The following TPST1 variants were observed in gnomAD, a reference collection of about 807,000 sequenced individuals.
TPST1 encodes tyrosylprotein sulfotransferase 1, also known as protein-tyrosine sulfotransferase 1.
In TPST1, 20 loss-of-function variants were observed where a neutral mutation model predicts 34.8. The ratio of observed to expected loss-of-function variants is 0.57; its 90% CI spans 0.40 to 0.84. The LOEUF is 0.84. Ranked by LOEUF, TPST1 falls within the 40% of genes least tolerant of loss-of-function variation. TPST1 has a pLI of 0.00. For missense variants in TPST1, 353 were observed against 455.5 expected (o/e 0.78, Z 2.05); for synonymous variants, 152 against 159.4 (o/e 0.95, Z 0.35).
At chr7:66,253,779 TATA>T (rs924481613) in intron 2 of TPST1, among the ~76,000 whole-genome samples, 1 of 151,176 alleles carries the variant, frequency 6.6e-6, no homozygotes, top group Admixed American at 6.6e-5. Flanking sequence ...GGCTTATGCC[TATA>T]ATCCCAGCAC....
intron 2 of TPST1, among the ~76,000 whole-genome samples, chr7:66,282,433 C>A (rs977600479): frequency 6.6e-6 from 1 of 152,184 alleles, no homozygotes; most frequent in Admixed American, 6.5e-5. Context: ...TCTAGTAAAA[C>A]TTTATTTACA....
chr7:66,310,510 G>GTGTT (rs1791508632), intron 3 of TPST1, among the ~76,000 whole-genome samples: 1 of 152,088 alleles, frequency 6.6e-6, no homozygotes, highest in Admixed American at 6.6e-5. Flanking sequence ...AAATGGGGTC[G>GTGTT]TGTTCCTCAG....
intron 2 of TPST1, among the ~76,000 whole-genome samples, chr7:66,260,345 ATG>A (rs1790464341): frequency 6.6e-6 from 1 of 152,212 alleles, no homozygotes; most frequent in Non-Finnish European, 1.5e-5. Context: ...TGTGTTAAGT[ATG>A]TGTGGAATTT....
intron 3 of TPST1, among the ~76,000 whole-genome samples, chr7:66,297,646 G>C (rs1325594608): frequency 6.6e-6 from 1 of 152,176 alleles, no homozygotes; most frequent in East Asian, 1.9e-4. Context: ...CATGTACCAA[G>C]GTGCAGAACC....
intron 2 of TPST1, among the ~76,000 whole-genome samples, chr7:66,256,860 A>C (rs1790392465): frequency 6.6e-6 from 1 of 152,212 alleles, no homozygotes; most frequent in African/African-American, 2.4e-5. Flanking sequence ...CCAGGTCTCC[A>C]AAAGTCTCAT....
chr7:66,319,028 T>A (rs1419463521), intron 3 of TPST1, among the ~76,000 whole-genome samples: 1 of 152,222 alleles, frequency 6.6e-6, no homozygotes, highest in East Asian at 1.9e-4. Context: ...AACTGTATTT[T>A]CCAATTTTAC....
chr7:66,286,228 T>C lies in TPST1; in HGVS notation c.846-283T>C, dbSNP rs543565136. 1.7e-3 allele frequency among the ~76,000 whole-genome samples: 266 copies of C among 152,312 alleles called. 1 individual carries two copies. The highest frequency in any genetic ancestry group is 6.2e-3 in the African/African-American group (256 of 41,564). ...GTATCTTTATTTTGTTACTGTTTTTTTCCTGGATGTTGTAATTACAGTGTC... is the reference window on the plus strand; with the variant it reads ...GTATCTTTATTTTGTTACTGTTTTTCTCCTGGATGTTGTAATTACAGTGTC... On this transcript the variant is annotated intron_variant, in intron 2 of 5. Transcript: ENST00000304842.
intron 4 of TPST1, among the ~76,000 whole-genome samples, chr7:66,353,198 C>A (rs1480372844): frequency 2.0e-5 from 3 of 152,108 alleles, no homozygotes; most frequent in Non-Finnish European, 4.4e-5. Flanking sequence ...GCCTGTAATC[C>A]CAGCTACTTG....
chr7:66,286,626 C>T lies in TPST1; in HGVS notation c.961C>T (p.Leu321Phe). 1 of 1,609,548 alleles carries T rather than the reference C, an allele frequency of 6.2e-7. No homozygotes were observed. The highest frequency in any genetic ancestry group is 1.1e-5 in the South Asian group (1 of 90,658). The stretch of plus-strand genomic sequence containing the variant: ...AGACATGGCAGTGATTGCTCCTATG[C>T]TTGCCAAGCTTGGATATGACCCATA... ...LQDMAVIAPM[L>F]AKLGYDPYAN... The change falls in exon 3 of 6, where the codon CTT becomes TTT. Residue 321 changes from leucine to phenylalanine, a missense_variant. Transcript: ENST00000304842.
At chr7:66,269,298 A>G (rs995430862) in intron 2 of TPST1, among the ~76,000 whole-genome samples, 2 of 152,248 alleles carry the variant, frequency 1.3e-5, no homozygotes, top group African/African-American at 4.8e-5. Context: ...ATTACATAAA[A>G]GAAAACTTTA....
At chr7:66,274,319 A>G (rs1358656316) in intron 2 of TPST1, among the ~76,000 whole-genome samples, 1 of 150,834 alleles carries the variant, frequency 6.6e-6, no homozygotes, top group African/African-American at 2.4e-5. Flanking sequence ...GAGCGTTGAG[A>G]TCGCGTCACT....
At chr7:66,304,168 A>G (rs2116064098) in intron 3 of TPST1, among the ~76,000 whole-genome samples, 1 of 152,326 alleles carries the variant, frequency 6.6e-6, no homozygotes, top group South Asian at 2.1e-4. Flanking sequence ...CACGTTGTTT[A>G]CAATAGGAGT....
chr7:66,225,628 G>T (rs981688067), intron 1 of TPST1, among the ~76,000 whole-genome samples: 1 of 152,102 alleles, frequency 6.6e-6, no homozygotes, highest in African/African-American at 2.4e-5. Context: ...TAAATAAAAA[G>T]AAATAAAGTA....
chr7:66,210,985 G>A (rs112406448), intron 1 of TPST1, among the ~76,000 whole-genome samples: 18 of 151,722 alleles, frequency 1.2e-4, no homozygotes, highest in African/African-American at 2.7e-4. Context: ...CCACACACAC[G>A]CGCGCGCACA....
chr7:66,326,512 C>T lies in TPST1; in HGVS notation c.1045-25993C>T, dbSNP rs559253903. Among the ~76,000 whole-genome samples, 19 of 152,250 alleles carry T rather than the reference C, an allele frequency of 1.2e-4. 1 individual carries two copies. The South Asian group carries it at 2.5e-3, about 20-fold the overall frequency. On this transcript the variant is annotated intron_variant, in intron 3 of 5. Transcript: ENST00000304842. The stretch of plus-strand genomic sequence containing the variant: ...TGAAAACTTGATTTGGGACTATTTC[C>T]TTTGAACAGAAATAATAGCATTCCT...
At chr7:66,243,151 G>C (rs921371516) in intron 2 of TPST1, among the ~76,000 whole-genome samples, 4 of 142,816 alleles carry the variant, frequency 2.8e-5, no homozygotes, top group Middle Eastern at 3.4e-3. Flanking sequence ...CAAGGGGTGT[G>C]TGTGTGTGTG....
At chr7:66,269,908 G>A (rs1243945968) in intron 2 of TPST1, among the ~76,000 whole-genome samples, 3 of 152,026 alleles carry the variant, frequency 2.0e-5, no homozygotes, top group Non-Finnish European at 2.9e-5. Context: ...TGTATCCTAC[G>A]GTCTCATGGT....
chr7:66,209,041 G>A (rs1433535748), intron 1 of TPST1, among the ~76,000 whole-genome samples: 1 of 151,994 alleles, frequency 6.6e-6, no homozygotes, highest in African/African-American at 2.4e-5. Flanking sequence ...CCAGCATTTT[G>A]GGAGACTGAG....
chr7:66,224,499 G>T (rs538147205), intron 1 of TPST1, among the ~76,000 whole-genome samples: 1 of 152,222 alleles, frequency 6.6e-6, no homozygotes, highest in East Asian at 1.9e-4. Flanking sequence ...CTTTTGCTAG[G>T]ACATGTCCCC....
Sources: allele counts gnomAD v4.1 joint callset (sites outside exome capture counted in the v4.1 genomes callset), GRCh38; gene constraint gnomAD v4.1.1; transcripts MANE v1.5; gene names NCBI Gene and HGNC (gene_info 2026-07-23, HGNC 2026-07-21).